The following ELAVL2 variants were observed in gnomAD, a reference collection of about 807,000 sequenced individuals.
ELAVL2 encodes ELAV like RNA binding protein 2.
In ELAVL2, 4 loss-of-function variants were observed where a neutral mutation model predicts 34.6. The ratio of observed to expected loss-of-function variants is 0.12; its 90% CI spans 0.06 to 0.26. ELAVL2 has a LOEUF of 0.26. ELAVL2 is among the 10% of genes least tolerant of loss of function. ELAVL2 has a pLI of 1.00. For missense variants in ELAVL2, 432 were observed against 442.8 expected (o/e 0.98, Z 0.22); for synonymous variants, 193 against 154.8 (o/e 1.25, Z -1.83).
intron 3 of ELAVL2, among the ~76,000 whole-genome samples, chr9:23,713,158 C>G (rs1223594335): frequency 1.3e-5 from 2 of 152,136 alleles, no homozygotes; most frequent in African/African-American, 4.8e-5. Flanking sequence ...GTTGTTTCTC[C>G]TTGGTTCTAG....
chr9:23,773,543 G>A (rs1045715399), intron 1 of ELAVL2, among the ~76,000 whole-genome samples: 2 of 152,136 alleles, frequency 1.3e-5, no homozygotes, highest in Non-Finnish European at 2.9e-5. Context: ...AATGAAGCAA[G>A]TGTATGAGCA....
the ELAVL2 span, among the ~76,000 whole-genome samples, chr9:23,841,219 AGAGAAGATGAT>A: frequency 3.3e-5 from 5 of 152,166 alleles, no homozygotes; most frequent in Non-Finnish European, 2.9e-5. Flanking sequence ...AAAAGTATCA[AGAGAAGATGAT>A]GAGGAGGTGA....
At chr9:23,787,133 T>C (rs975894851) in intron 1 of ELAVL2, among the ~76,000 whole-genome samples, 11 of 152,206 alleles carry the variant, frequency 7.2e-5, no homozygotes, top group African/African-American at 2.4e-4. Flanking sequence ...GAAGACAACA[T>C]TGTTGGACAG....
chr9:23,828,699 G>T (rs1181304319), upstream of ELAVL2, among the ~76,000 whole-genome samples: 2 of 151,894 alleles, frequency 1.3e-5, no homozygotes, highest in African/African-American at 4.8e-5. Context: ...TTTTTATGTA[G>T]GTGAGATGGA....
At chr9:23,696,670 A>G (rs557396013) in intron 5 of ELAVL2, among the ~76,000 whole-genome samples, 2 of 151,908 alleles carry the variant, frequency 1.3e-5, no homozygotes, top group Admixed American at 1.3e-4. Flanking sequence ...ACGGGGTTTC[A>G]CCATTTAGCC....
intron 2 of ELAVL2, among the ~76,000 whole-genome samples, chr9:23,741,283 C>G (rs549588538): frequency 6.6e-6 from 1 of 152,152 alleles, no homozygotes; most frequent in East Asian, 1.9e-4. Flanking sequence ...AGCAAACCGA[C>G]CCCCCATCCT....
At chr9:23,811,655 G>A (rs1397051951) in intron 1 of ELAVL2, among the ~76,000 whole-genome samples, 1 of 152,192 alleles carries the variant, frequency 6.6e-6, no homozygotes, top group Non-Finnish European at 1.5e-5. Context: ...ATACCCAGAG[G>A]AGGCTGCTGG....
At chr9:23,823,316 C>A (rs749644777) in intron 1 of ELAVL2, among the ~76,000 whole-genome samples, 2 of 152,202 alleles carry the variant, frequency 1.3e-5, no homozygotes, top group Non-Finnish European at 2.9e-5. Context: ...AATGGGCCTA[C>A]TTAATTTGTC....
At chr9:23,693,219 T>C (rs916419618) in intron 6 of ELAVL2, among the ~76,000 whole-genome samples, 17 of 152,154 alleles carry the variant, frequency 1.1e-4, no homozygotes, top group Admixed American at 1.3e-4. Flanking sequence ...TGCTGTAACG[T>C]CGTAACGCAA....
Position 23,692,749 on chromosome 9 carries a change from A to C in ELAVL2, c.888T>G (p.Phe296Leu). 6.2e-7 allele frequency: 1 copy of C among 1,614,206 alleles called. No individual in the cohort carries two copies. The part of the protein sequence containing the change: ...DADESILWQM[F>L]GPFGAVTNVK... ...CATTGGTGACAGCTCCAAAAGGCCC[A>C]AACATTTGCCACAGGATACTCTCAT... The change falls in exon 7 of 7, where the codon TTT becomes TTG. Residue 296 changes from phenylalanine (F) to leucine (L), a missense_variant. Around this residue, in one of 3 missense-constraint regions of ELAVL2, gnomAD observed 295 missense variants for 306.1 expected, o/e 0.96. Coordinates refer to ENST00000397312, the MANE Select transcript of ELAVL2 (RefSeq NM_004432.5).
At chr9:23,815,196 T>G (rs1265549678) in intron 1 of ELAVL2, among the ~76,000 whole-genome samples, 1 of 152,200 alleles carries the variant, frequency 6.6e-6, no homozygotes, top group Admixed American at 6.5e-5. Flanking sequence ...AAATTTTGAT[T>G]TTTCACTGAA....
At chr9:23,803,950 G>A (rs1006381797) in intron 1 of ELAVL2, among the ~76,000 whole-genome samples, 1 of 152,106 alleles carries the variant, frequency 6.6e-6, no homozygotes, top group Non-Finnish European at 1.5e-5. Context: ...AGCACCCAAC[G>A]ACCATGCACA....
At chr9:23,776,571 A>G (rs2058223811) in intron 1 of ELAVL2, among the ~76,000 whole-genome samples, 1 of 152,110 alleles carries the variant, frequency 6.6e-6, no homozygotes, top group South Asian at 2.1e-4. Flanking sequence ...CTGGGAAAAC[A>G]AAGATGTACA....
intron 1 of ELAVL2, among the ~76,000 whole-genome samples, chr9:23,792,930 C>A (rs1377413345): frequency 6.6e-6 from 1 of 151,958 alleles, no homozygotes; most frequent in Non-Finnish European, 1.5e-5. Flanking sequence ...ATCACCACAC[C>A]CAGTTATTTT....
intron 4 of ELAVL2, among the ~76,000 whole-genome samples, chr9:23,702,968 A>AAAAAAAAAAAAAAAAAAAAAAAAAAAC (rs2037904946): frequency 6.8e-6 from 1 of 146,970 alleles, no homozygotes; most frequent in Non-Finnish European, 1.5e-5. Context: ...AAAAAAAAAA[A>AAAAAAAAAAAAAAAAAAAAAAAAAAAC]AAAAAAAAAA....
intron 2 of ELAVL2, among the ~76,000 whole-genome samples, chr9:23,743,768 CT>C (rs2049852561): frequency 6.6e-6 from 1 of 152,154 alleles, no homozygotes; most frequent in African/African-American, 2.4e-5. Context: ...TTCAACAACA[CT>C]TCAATTTTAA....
chr9:23,777,183 G>C (rs956978629), intron 1 of ELAVL2, among the ~76,000 whole-genome samples: 5 of 152,160 alleles, frequency 3.3e-5, no homozygotes, highest in Non-Finnish European at 5.9e-5. Context: ...CAGCAGTTAG[G>C]ACTGCAATCT....
chr9:23,711,395 C>T (rs117246921), intron 3 of ELAVL2, among the ~76,000 whole-genome samples: 1 of 152,170 alleles, frequency 6.6e-6, no homozygotes, highest in Non-Finnish European at 1.5e-5. Flanking sequence ...ATGTCATCCT[C>T]AACTTAAATT....
intron 2 of ELAVL2, among the ~76,000 whole-genome samples, chr9:23,759,328 G>C (rs368971561): frequency 6.6e-6 from 1 of 151,874 alleles, no homozygotes; most frequent in African/African-American, 2.4e-5. Context: ...AATACCACAC[G>C]ATCTCATAGG....
Sources: gnomAD v4.1 joint callset for allele counts (sites outside exome capture counted in the v4.1 genomes callset) on GRCh38, gnomAD v4.1.1 for gene constraint, gnomAD v4.1.1 regional missense constraint, MANE v1.5 for transcripts, NCBI Gene and HGNC (gene_info 2026-07-23, HGNC 2026-07-21) for gene names.